ONECUT2: variants seen among roughly 807,000 people sequenced by gnomAD.
The protein encoded by ONECUT2 is one cut domain family member 2.
In ONECUT2, 10 loss-of-function variants were observed where a neutral mutation model predicts 27.9. That is an observed-to-expected ratio of 0.36 (90% confidence interval 0.22 to 0.61). The LOEUF (loss-of-function observed/expected upper bound fraction) is 0.61. ONECUT2 is among the 20% of genes least tolerant of loss of function. The probability of loss-of-function intolerance (pLI) is 0.73; values close to 1 mark genes in which losing one functional copy is unlikely to be tolerated. For synonymous variants in ONECUT2, 334 were observed against 315.1 expected, an observed-to-expected ratio of 1.06 and a Z score of -0.64; for missense variants, 686 against 721.0, an observed-to-expected ratio of 0.95 and a Z score of 0.56.
At chr18:57,455,006 A>G (rs1219481550) in intron 1 of ONECUT2, among the ~76,000 whole-genome samples, 6 of 152,232 alleles carry the variant, frequency 3.9e-5, no homozygotes, top group Admixed American at 2.0e-4. Context: ...AACTCACATC[A>G]TCTGTCTCTA....
rs530584593 is a variant in ONECUT2, at chr18:57,435,395, C to G, written c.-322C>G. Among the ~76,000 whole-genome samples the G allele has an allele frequency of 3.4e-3, 523 of 151,950 alleles. 3 individuals carry two copies. Among genetic ancestry groups the G allele is most frequent in the Middle Eastern group, 6.9e-3 (2 of 290 alleles). On this transcript the variant is annotated 5_prime_UTR_variant, in exon 1 of 2. Transcript: ENST00000491143. ...CGGCAGAGCCCTTCTGGACAGCTCC[C>G]GCTCACCCAAACAGAAGACGTCGGC...
rs975677902 is a variant in ONECUT2, at chr18:57,436,242, C to T, written c.526C>T (p.Pro176Ser). The change falls in exon 1 of 2, where the codon CCG (proline) becomes TCG (serine). Residue 176 changes from proline (P) to serine (S), a missense_variant. Pro to Ser is a moderately conservative substitution (Grantham distance 74, BLOSUM62 -1). Around this residue, in one of 4 missense-constraint regions of ONECUT2, gnomAD observed 511 missense variants for 488.1 expected, o/e 1.05. Transcript: ENST00000491143. This position sits in a 1 kb window ranked among gnomAD's most constrained non-coding sequence, Gnocchi z 5.9. ...KFHHPHPHHH[P>S]HHHHHHHHQR... is the part of the protein sequence containing the mutation. ...CCACCACCCTCACCCGCACCACCAT[C>T]CGCACCACCACCACCACCACCACCA... 12 of 1,603,264 alleles carry T rather than the reference C, an allele frequency of 7.5e-6. No individual in the cohort carries two copies. Among genetic ancestry groups the T allele is most frequent in the Admixed American group, 1.7e-5 (1 of 59,204 alleles).
intron 1 of ONECUT2, chr18:57,444,510 T>C: frequency 2.2e-6 from 1 of 452,116 alleles, no homozygotes; most frequent in East Asian, 7.0e-5. Context: ...CCCTTGAGCA[T>C]GAAGCTGTGC....
At chr18:57,462,079 G>T (rs2050295029) in intron 1 of ONECUT2, among the ~76,000 whole-genome samples, 1 of 152,238 alleles carries the variant, frequency 6.6e-6, no homozygotes, top group Non-Finnish European at 1.5e-5. Context: ...CTGTGTCCTT[G>T]CCAGCTCTTG....
At chr18:57,461,432 CATACATT>C (rs1348393346) in intron 1 of ONECUT2, among the ~76,000 whole-genome samples, 2 of 152,170 alleles carry the variant, frequency 1.3e-5, no homozygotes, top group African/African-American at 2.4e-5. Context: ...TGTACTTAAC[CATACATT>C]TCTGTGGGGT....
intron 1 of ONECUT2, chr18:57,444,448 T>C (rs980317575): frequency 1.1e-5 from 5 of 456,478 alleles, no homozygotes; most frequent in Non-Finnish European, 2.2e-5. Context: ...AGCCTTTCCT[T>C]TTAAGGGTGA....
intron 1 of ONECUT2, among the ~76,000 whole-genome samples, chr18:57,464,973 A>G (rs2050312639): frequency 6.6e-6 from 1 of 152,198 alleles, no homozygotes; most frequent in South Asian, 2.1e-4. Flanking sequence ...GAAAGCCTAT[A>G]GTTAGAATTT....
At chr18:57,476,408 C>A (rs764389428) in intron 1 of ONECUT2, 29 bp from the exon 2 acceptor site, 1 of 1,607,240 alleles carries the variant, frequency 6.2e-7, no homozygotes, top group South Asian at 1.1e-5. Context: ...AGCCCACTGA[C>A]TCCTCTCCTT....
At position 57,476,980 on chromosome 18, in the gene ONECUT2, G is replaced by A. The variant is rs2050386954; in HGVS notation, c.*257G>A. ...GAACCAGACACTGTTCTCTGAGCAT[G>A]CTAAGCATCCCAGAAACCCAAATGG... On this transcript the variant is annotated 3_prime_UTR_variant, in exon 2 of 2. Coordinates refer to ENST00000491143, the MANE Select transcript of ONECUT2 (RefSeq NM_004852.3). 2.1e-6 allele frequency: 1 copy of A among 482,800 alleles called. No homozygotes were observed. The highest frequency in any genetic ancestry group is 3.7e-6 in the Non-Finnish European group (1 of 273,406). 29.9% of individuals were successfully genotyped at this position (482,800 alleles called of 1,614,324 possible). A position where few individuals can be genotyped will look rare whatever the true frequency, so the allele number is the denominator to read the frequency against.
chr18:57,437,224 ATGTGCCAACCTT>A (rs2050147952), intron 1 of ONECUT2, among the ~76,000 whole-genome samples: 1 of 148,722 alleles, frequency 6.7e-6, no homozygotes, highest in Non-Finnish European at 1.5e-5. Flanking sequence ...CCTCCCCTCA[ATGTGCCAACCTT>A]TGCCCTATTT....
intron 1 of ONECUT2, among the ~76,000 whole-genome samples, chr18:57,465,053 T>C (rs554931927): frequency 1.3e-5 from 2 of 152,304 alleles, no homozygotes; most frequent in African/African-American, 4.8e-5. Context: ...AATTCTAGCA[T>C]TACCGCCACA....
intron 1 of ONECUT2, among the ~76,000 whole-genome samples, chr18:57,456,386 A>C (rs1480923229): frequency 6.6e-6 from 1 of 152,370 alleles, no homozygotes; most frequent in Middle Eastern, 3.4e-3. Context: ...GTTTTCATAC[A>C]GTGGAATATT....
At chr18:57,457,597 T>C (rs2050266938) in intron 1 of ONECUT2, among the ~76,000 whole-genome samples, 2 of 152,198 alleles carry the variant, frequency 1.3e-5, no homozygotes, top group Admixed American at 1.3e-4. Context: ...GTTTGCTCAG[T>C]AGTGGGATAC....
chr18:57,442,044 A>G (rs1276585865), intron 1 of ONECUT2, among the ~76,000 whole-genome samples: 2 of 144,322 alleles, frequency 1.4e-5, no homozygotes, highest in African/African-American at 5.2e-5. Context: ...TGTCCTGTGG[A>G]ACACCTGCAT....
rs2050415884 is a variant in ONECUT2 at position 57,481,528 on chromosome 18, C to T, written c.*4805C>T. The T allele has an allele frequency of 1.3e-5, 2 of 152,190 alleles. No individual in the cohort carries two copies. Among genetic ancestry groups the T allele is most frequent in the Non-Finnish European group, 2.9e-5 (2 of 68,044 alleles). The allele number at this position is 152,190 out of a possible 1,614,324, so 9.4% of individuals were successfully genotyped here. A position where few individuals can be genotyped will look rare whatever the true frequency, so the allele number is the denominator to read the frequency against. ...AGTTATTTTCTTTGTCTATACTGGG[C>T]ACCCACCTACTAGTGCCAGTAAATT... is the stretch of plus-strand genomic sequence containing the variant. On this transcript the variant is annotated 3_prime_UTR_variant, in exon 2 of 2. Coordinates refer to ENST00000491143, the MANE Select transcript of ONECUT2 (RefSeq NM_004852.3).
chr18:57,460,088 A>AATTTT (rs1248678522), intron 1 of ONECUT2, among the ~76,000 whole-genome samples: 1 of 151,744 alleles, frequency 6.6e-6, no homozygotes, highest in Non-Finnish European at 1.5e-5. Flanking sequence ...TCATCCAGCT[A>AATTTT]ATTTTATTTT....
chr18:57,444,691 T>C (rs1014992136), intron 1 of ONECUT2, among the ~76,000 whole-genome samples: 1 of 152,278 alleles, frequency 6.6e-6, no homozygotes, highest in South Asian at 2.1e-4. Flanking sequence ...TATCCTTTTA[T>C]GCAGGGCCAG....
intron 1 of ONECUT2, among the ~76,000 whole-genome samples, chr18:57,449,235 T>A (rs1250917503): frequency 1.3e-5 from 2 of 152,242 alleles, no homozygotes; most frequent in Admixed American, 1.3e-4. Flanking sequence ...AGGTATCGCC[T>A]GCTGACTTGT....
chr18:57,446,821 G>T (rs557162790), intron 1 of ONECUT2, among the ~76,000 whole-genome samples: 4 of 152,224 alleles, frequency 2.6e-5, no homozygotes, highest in African/African-American at 9.6e-5. Flanking sequence ...CTCCTGCTTA[G>T]TTGGACTGTG....
Sources: allele counts gnomAD v4.1 joint callset (sites outside exome capture counted in the v4.1 genomes callset), GRCh38; gene constraint gnomAD v4.1.1; regional missense constraint gnomAD v4.1.1; non-coding constraint Gnocchi (gnomAD v3.1); transcripts MANE v1.5; gene names NCBI Gene and HGNC (gene_info 2026-07-23, HGNC 2026-07-21).